AGFG1: variants seen among roughly 807,000 people sequenced by gnomAD.
AGFG1 encodes ArfGAP with FG repeats 1.
In AGFG1, 10 loss-of-function variants were observed where a neutral mutation model predicts 60.6. The ratio of observed to expected loss-of-function variants is 0.16; its 90% CI spans 0.10 to 0.28. The LOEUF is 0.28. Ranked by LOEUF, AGFG1 falls within the 10% of genes least tolerant of loss-of-function variation. The pLI, the probability that AGFG1 is intolerant of heterozygous loss-of-function variation, is 1.00. For missense variants in AGFG1, 537 were observed against 676.5 expected, an observed-to-expected ratio of 0.79 and a Z score of 2.29; for synonymous variants, 247 against 242.9, an observed-to-expected ratio of 1.02 and a Z score of -0.16.
chr2:227,491,994 A>G (rs1011468811), intron 2 of AGFG1, among the ~76,000 whole-genome samples: 1 of 152,164 alleles, frequency 6.6e-6, no homozygotes, highest in Non-Finnish European at 1.5e-5. Flanking sequence ...TAAACTTGTT[A>G]GAGTGTTGTG....
At chr2:227,494,661 A>T (rs1690922912) in intron 2 of AGFG1, among the ~76,000 whole-genome samples, 1 of 152,198 alleles carries the variant, frequency 6.6e-6, no homozygotes, top group African/African-American at 2.4e-5. Context: ...AACAGAATTA[A>T]CCTGCATGCC....
chr2:227,532,107 T>G (rs1246271629), intron 6 of AGFG1: 2 of 1,507,124 alleles, frequency 1.3e-6, no homozygotes, highest in African/African-American at 1.4e-5. Context: ...TTCTTTAACT[T>G]TCATCATTTA....
chr2:227,485,200 C>A (rs1191595518), intron 1 of AGFG1, among the ~76,000 whole-genome samples: 3 of 149,312 alleles, frequency 2.0e-5, no homozygotes, highest in Non-Finnish European at 4.4e-5. Context: ...ATTCCAGTTG[C>A]TTTTAAGATC....
intron 7 of AGFG1, among the ~76,000 whole-genome samples, chr2:227,534,241 G>A (rs1356689198): frequency 6.6e-6 from 1 of 152,110 alleles, no homozygotes; most frequent in African/African-American, 2.4e-5. Context: ...TGTGGCACTG[G>A]TGAATAGCAG....
chr2:227,536,504 C>G (rs992196065), intron 8 of AGFG1, 121 bp from the exon 9 acceptor site: 4 of 666,074 alleles, frequency 6.0e-6, no homozygotes, highest in African/African-American at 5.5e-5. Context: ...TCTTAATTTT[C>G]TTTGTGTTGA....
chr2:227,526,761 C>G (rs867161566), intron 5 of AGFG1, among the ~76,000 whole-genome samples: 1 of 151,946 alleles, frequency 6.6e-6, no homozygotes, highest in Non-Finnish European at 1.5e-5. Flanking sequence ...CCAGGCTGGT[C>G]TCGAACTCCT....
At chr2:227,500,581 C>T (rs1009148959) in intron 2 of AGFG1, among the ~76,000 whole-genome samples, 1 of 152,114 alleles carries the variant, frequency 6.6e-6, no homozygotes, top group African/African-American at 2.4e-5. Flanking sequence ...TTCGTCCCCT[C>T]CTCCAACATT....
intron 4 of AGFG1, 96 bp downstream of exon 4, chr2:227,524,021 A>G (rs1691903971): frequency 4.2e-6 from 5 of 1,200,838 alleles, no homozygotes; most frequent in South Asian, 1.7e-5. Flanking sequence ...ATAATCTTGT[A>G]TGCCAGTAGC....
intron 2 of AGFG1, chr2:227,508,736 G>A: frequency 2.4e-6 from 1 of 417,602 alleles, no homozygotes; most frequent in Non-Finnish European, 4.7e-6. Flanking sequence ...TCATCCAAAA[G>A]AACAGAAAAG....
At chr2:227,528,434 T>C (rs1444202328) in intron 5 of AGFG1, among the ~76,000 whole-genome samples, 3 of 152,150 alleles carry the variant, frequency 2.0e-5, no homozygotes, top group Admixed American at 6.5e-5. Context: ...ACCCTCCAGA[T>C]AAGAAGCGAT....
chr2:227,514,491 G>C (rs1050222538), intron 2 of AGFG1, among the ~76,000 whole-genome samples: 3 of 152,022 alleles, frequency 2.0e-5, no homozygotes, highest in Non-Finnish European at 4.4e-5. Context: ...ACTGCACCTG[G>C]CCAAACTAAT....
chr2:227,533,482 A>G (rs1208958629), intron 6 of AGFG1, 67 bp from the exon 7 acceptor site: 3 of 1,326,078 alleles, frequency 2.3e-6, no homozygotes, highest in South Asian at 2.4e-5. Context: ...AGAAATGATC[A>G]TACAGTCTAT....
chr2:227,481,326 T>C (rs71431049), intron 1 of AGFG1, among the ~76,000 whole-genome samples: 10,934 of 152,138 alleles, frequency 0.072, 526 homozygotes, highest in Admixed American at 0.11. Context: ...GTCTTGAGTT[T>C]GAAGTCTCTG....
At position 227,555,795 on chromosome 2, in the gene AGFG1, C is replaced by G. The variant is rs1462787200; in HGVS notation, c.*1300C>G. The stretch of plus-strand genomic sequence containing the variant: ...AGTCTTGTGAAAACCGAACACAACT[C>G]AGAAACTTGGAATCGTTTTTTTTAA... On this transcript the variant is annotated 3_prime_UTR_variant, in exon 13 of 13. Transcript: ENST00000310078. The G allele has an allele frequency of 6.6e-6, 1 of 152,218 alleles. No homozygotes were observed. Among genetic ancestry groups the G allele is most frequent in the Non-Finnish European group, 1.5e-5 (1 of 68,018 alleles). The allele number at this position is 152,218 out of a possible 1,614,324, so 9.4% of individuals were successfully genotyped here.
intron 8 of AGFG1, among the ~76,000 whole-genome samples, chr2:227,535,984 G>A (rs766658239): frequency 1.9e-4 from 29 of 152,018 alleles, no homozygotes; most frequent in African/African-American, 5.8e-4. Flanking sequence ...TGCATTGATG[G>A]TGTGAAAACA....
In AGFG1 at chr2:227,551,988, A is replaced by T; in HGVS notation, c.1408A>T (p.Met470Leu). 6.2e-7 allele frequency: 1 copy of T among 1,614,176 alleles called. No homozygotes were observed. Among genetic ancestry groups the T allele is most frequent in the Non-Finnish European group, 8.5e-7 (1 of 1,180,028 alleles). Reference protein sequence around the residue: ...AATFGTASMSMPTGFGTPAPY... With the variant: ...AATFGTASMSLPTGFGTPAPY... ...AACCTTTGGCACTGCATCCATGAGC[A>T]TGCCCACAGGATTCGGCACTCCTGC... The change falls in exon 11 of 13, where the codon ATG becomes TTG. Residue 470 changes from methionine to leucine, a missense_variant. Around this residue, in one of 4 missense-constraint regions of AGFG1, gnomAD observed 287 missense variants for 343.6 expected, o/e 0.84. Coordinates refer to ENST00000310078, the MANE Select transcript of AGFG1 (RefSeq NM_004504.5).
intron 10 of AGFG1, among the ~76,000 whole-genome samples, chr2:227,539,734 G>A (rs1455804168): frequency 2.7e-5 from 3 of 111,792 alleles, no homozygotes; most frequent in Non-Finnish European, 5.0e-5. Flanking sequence ...GACAGAGTGA[G>A]ACTCTAGCTC....
chr2:227,473,730 A>G (rs1690194522), intron 1 of AGFG1, among the ~76,000 whole-genome samples: 1 of 152,212 alleles, frequency 6.6e-6, no homozygotes, highest in African/African-American at 2.4e-5. Context: ...AAAGCACATA[A>G]TACTTTATGT....
rs371965782 is a variant in AGFG1 at position 227,551,959 on chromosome 2, C to T, written c.1379C>T (p.Ala460Val). ...CTGATCAGCCCTTCTCTTCTGTCAG[C>T]GGCAACCTTTGGCACTGCATCCATG... ...PFQTNARGAT[A>V]ATFGTASMSM... Residue 460 changes from alanine (A) to valine (V), a missense_variant and splice_region_variant, in exon 11 of 13, where the codon GCG becomes GTG. Physicochemically the swap from Ala to Val is moderately conservative, Grantham distance 64. Coordinates refer to ENST00000310078, the MANE Select transcript of AGFG1 (RefSeq NM_004504.5). The T allele has an allele frequency of 6.4e-5, 104 of 1,613,504 alleles. No individual in the cohort carries two copies. The East Asian group carries it at 1.2e-3, about 19-fold the overall frequency.
Sources: gnomAD v4.1 joint callset for allele counts (sites outside exome capture counted in the v4.1 genomes callset) on GRCh38, gnomAD v4.1.1 for gene constraint, gnomAD v4.1.1 regional missense constraint, MANE v1.5 for transcripts, NCBI Gene and HGNC (gene_info 2026-07-23, HGNC 2026-07-21) for gene names.